The following STXBP5L variants were observed in gnomAD, a reference collection of about 807,000 sequenced individuals.
STXBP5L encodes syntaxin-binding protein 5-like.
In STXBP5L, 65 loss-of-function variants were observed where a neutral mutation model predicts 144.5. The ratio of observed to expected loss-of-function variants is 0.45; its 90% CI spans 0.37 to 0.55. The LOEUF is 0.55. Ranked by LOEUF, STXBP5L falls within the 20% of genes least tolerant of loss-of-function variation. The probability of loss-of-function intolerance (pLI) is 0.00; values close to 1 mark genes in which losing one functional copy is unlikely to be tolerated. For synonymous variants in STXBP5L, 505 were observed against 469.6 expected, an observed-to-expected ratio of 1.08 and a Z score of -0.97; for missense variants, 1,298 against 1,405.5, an observed-to-expected ratio of 0.92 and a Z score of 1.22.
intron 9 of STXBP5L, among the ~76,000 whole-genome samples, chr3:121,180,918 A>AAGAAAG (rs777499506): frequency 6.6e-6 from 1 of 151,762 alleles, no homozygotes; most frequent in Admixed American, 6.6e-5. Context: ...GAGAAAAGAA[A>AAGAAAG]AGAAAGAGAA....
intron 5 of STXBP5L, among the ~76,000 whole-genome samples, chr3:121,063,072 T>C (rs1014112131): frequency 5.3e-5 from 8 of 152,212 alleles, no homozygotes; most frequent in Non-Finnish European, 1.0e-4. Flanking sequence ...TGTGATCCTC[T>C]GGAGCAGAAG....
At chr3:121,186,329 CTATGTT>C (rs2047380056) in intron 9 of STXBP5L, among the ~76,000 whole-genome samples, 1 of 152,202 alleles carries the variant, frequency 6.6e-6, no homozygotes. Context: ...ACTTCCAACA[CTATGTT>C]GAATAGGAGT....
At chr3:121,190,264 C>CGAGCA (rs1015408047) in intron 9 of STXBP5L, among the ~76,000 whole-genome samples, 4 of 152,220 alleles carry the variant, frequency 2.6e-5, no homozygotes, top group African/African-American at 9.6e-5. Context: ...TGACTCTTAG[C>CGAGCA]GAGCACGCTG....
chr3:120,935,118 A>G (rs965383096), intron 2 of STXBP5L, among the ~76,000 whole-genome samples: 3 of 150,786 alleles, frequency 2.0e-5, no homozygotes, highest in Non-Finnish European at 4.4e-5. Flanking sequence ...AACTTTGAGC[A>G]TTTTATATCA....
chr3:121,356,320 G>A (rs922511540), intron 20 of STXBP5L, among the ~76,000 whole-genome samples: 2 of 152,230 alleles, frequency 1.3e-5, no homozygotes, highest in Non-Finnish European at 2.9e-5. Flanking sequence ...AAGGCAGTAG[G>A]CCTTGCTAAG....
intron 20 of STXBP5L, among the ~76,000 whole-genome samples, chr3:121,340,726 G>C (rs1026306505): frequency 5.9e-5 from 9 of 151,956 alleles, no homozygotes; most frequent in Non-Finnish European, 1.2e-4. Context: ...TATAACACTG[G>C]GTTTGCGGTG....
chr3:120,983,391 G>T (rs1407500679), intron 3 of STXBP5L, among the ~76,000 whole-genome samples: 1 of 152,128 alleles, frequency 6.6e-6, no homozygotes, highest in East Asian at 1.9e-4. Context: ...CACAGCAGTG[G>T]TGGTGGTATC....
chr3:121,141,999 C>T (rs1193596701), intron 7 of STXBP5L, among the ~76,000 whole-genome samples: 1 of 151,772 alleles, frequency 6.6e-6, no homozygotes, highest in African/African-American at 2.4e-5. Context: ...AAACAAGACC[C>T]AACCATATGC....
chr3:121,215,834 T>C (rs2048756912), intron 10 of STXBP5L, among the ~76,000 whole-genome samples: 1 of 152,218 alleles, frequency 6.6e-6, no homozygotes, highest in African/African-American at 2.4e-5. Flanking sequence ...CACTTTCAAG[T>C]ACACCAATCA....
At chr3:121,065,462 C>G (rs1447424958) in intron 5 of STXBP5L, among the ~76,000 whole-genome samples, 1 of 152,140 alleles carries the variant, frequency 6.6e-6, no homozygotes, top group Non-Finnish European at 1.5e-5. Flanking sequence ...TATTAACTAT[C>G]TATTGCTATA....
intron 7 of STXBP5L, among the ~76,000 whole-genome samples, chr3:121,127,742 C>T (rs2044778172): frequency 6.6e-6 from 1 of 151,866 alleles, no homozygotes; most frequent in Admixed American, 6.6e-5. Flanking sequence ...ACTATTCAAC[C>T]ATTAACCTGG....
intron 3 of STXBP5L, among the ~76,000 whole-genome samples, chr3:120,984,682 G>C (rs1317998758): frequency 9.3e-6 from 1 of 108,088 alleles, no homozygotes; most frequent in African/African-American, 3.8e-5. Context: ...AGAACTTCTA[G>C]TAAGTACCAT....
At chr3:120,979,561 G>T (rs183646615) in intron 3 of STXBP5L, among the ~76,000 whole-genome samples, 116 of 152,222 alleles carry the variant, frequency 7.6e-4, no homozygotes, top group African/African-American at 2.6e-3. Context: ...CCACTGTCCT[G>T]CACCCACTGT....
At chr3:121,241,945 G>T (rs2656043) in intron 14 of STXBP5L, among the ~76,000 whole-genome samples, 119,606 of 151,978 alleles carry the variant, frequency 0.79, 47,290 homozygotes, top group East Asian at 0.93. Context: ...TGACAGCAGA[G>T]TTTTCATCAG....
intron 5 of STXBP5L, among the ~76,000 whole-genome samples, chr3:121,051,722 G>A (rs1050403284): frequency 6.6e-6 from 1 of 151,992 alleles, no homozygotes; most frequent in Non-Finnish European, 1.5e-5. Flanking sequence ...CAGAAGGCAA[G>A]AAATAACTAA....
At chr3:121,390,181 C>A (rs2046541673) in intron 22 of STXBP5L, among the ~76,000 whole-genome samples, 1 of 152,074 alleles carries the variant, frequency 6.6e-6, no homozygotes, top group African/African-American at 2.4e-5. Context: ...AGTATAAAGT[C>A]TGTTTTATCA....
Position 121,259,097 on chromosome 3 carries a change from T to G in STXBP5L, c.1887T>G (p.Ile629Met). The change falls in exon 18 of 27, where the codon ATT becomes ATG. Residue 629 changes from isoleucine (I) to methionine (M), a missense_variant. By Grantham distance (10) the Ile-to-Met change is conservative (BLOSUM62 1). Transcript: ENST00000471454. ...CAGGATATCAAGCAGAACTTGTTAT[T>G]CAATTGGTGTGGGTAGATGGTGAAC... ...MPPGYQAELV[I>M]QLVWVDGEPP... 1 of 1,606,780 alleles carries G rather than the reference T, an allele frequency of 6.2e-7. No homozygotes were observed. The highest frequency in any genetic ancestry group is 1.1e-5 in the South Asian group (1 of 89,760).
At chr3:121,015,600 C>G (rs1278206051) in intron 3 of STXBP5L, among the ~76,000 whole-genome samples, 1 of 152,146 alleles carries the variant, frequency 6.6e-6, no homozygotes, top group Non-Finnish European at 1.5e-5. Flanking sequence ...CAATACTTTT[C>G]CTTTTAGGGA....
intron 5 of STXBP5L, among the ~76,000 whole-genome samples, chr3:121,104,738 A>C (rs2043606757): frequency 1.3e-5 from 2 of 152,202 alleles, no homozygotes; most frequent in Non-Finnish European, 2.9e-5. Flanking sequence ...CTTATACAAA[A>C]ATCAACTCAA....
Sources: gnomAD v4.1 joint callset for allele counts (sites outside exome capture counted in the v4.1 genomes callset) on GRCh38, gnomAD v4.1.1 for gene constraint, MANE v1.5 for transcripts, NCBI Gene and HGNC (gene_info 2026-07-23, HGNC 2026-07-21) for gene names.